FER1L6: variants seen among roughly 807,000 people sequenced by gnomAD.
The protein encoded by FER1L6 is fer-1-like protein 6.
In FER1L6, 177 loss-of-function variants were observed where a neutral mutation model predicts 219.2. The observed-to-expected ratio is 0.81, with a 90% CI of 0.71 to 0.91. The LOEUF (loss-of-function observed/expected upper bound fraction) is 0.91, where lower values mean the gene tolerates loss of function less well. Among genes scored for constraint, FER1L6 ranks in the 40% least tolerant of loss-of-function variants. The pLI, the probability that FER1L6 is intolerant of heterozygous loss-of-function variation, is 0.00. For missense variants in FER1L6, 2,153 were observed against 2,259.9 expected, an observed-to-expected ratio of 0.95 and a Z score of 0.96; for synonymous variants, 768 against 824.3, an observed-to-expected ratio of 0.93 and a Z score of 1.17.
chr8:123,900,382 G>C (rs1036809856), intron 1 of FER1L6, among the ~76,000 whole-genome samples: 6 of 152,110 alleles, frequency 3.9e-5, no homozygotes, highest in African/African-American at 1.4e-4. Flanking sequence ...TCAGTTCTAG[G>C]AGGTTTCTGG....
In FER1L6 at chr8:124,021,540, C is replaced by T. The variant is rs369573969; in HGVS notation, c.2014-10C>T. Reference sequence around the variant, plus strand: ...TCGAAAGACCCACACTGACTCTTGTCTTGTTTTAGGAAGCAATGTGCAAGG... The same window carrying T: ...TCGAAAGACCCACACTGACTCTTGTTTTGTTTTAGGAAGCAATGTGCAAGG... On this transcript the variant is annotated splice_polypyrimidine_tract_variant and intron_variant, in intron 16 of 40. Coordinates refer to ENST00000522917, the MANE Select transcript of FER1L6 (RefSeq NM_001039112.2). 1.4e-5 allele frequency: 22 copies of T among 1,613,642 alleles called. No homozygotes were observed. In the African/African-American group the frequency reaches 2.7e-4, roughly 20 times the overall value.
In FER1L6 at chr8:123,964,121, G is replaced by A. The variant is rs528177750; in HGVS notation, c.197+723G>A. 3.3e-4 allele frequency among the ~76,000 whole-genome samples: 51 copies of A among 152,328 alleles called. No individual in the cohort carries two copies. In the South Asian group the frequency reaches 0.01, roughly 30 times the overall value. On this transcript the variant is annotated intron_variant, in intron 3 of 40. Coordinates refer to ENST00000522917, the MANE Select transcript of FER1L6 (RefSeq NM_001039112.2). ...GTAGCAATGGCAGGGTTCTAAGAGA[G>A]TGGAAGTACAGAAGTTCTCTTGAGG...
Position 124,106,347 on chromosome 8 carries a change from A to C in FER1L6, c.5289+3038A>C, listed in dbSNP as rs963778158. ...CTGTCTCAAAAAAAAAAAAAAAAAA[A>C]AAAAAAAAAAAAAACAGAGTGGACG... On this transcript the variant is annotated intron_variant, in intron 39 of 40. Coordinates refer to ENST00000522917, the MANE Select transcript of FER1L6 (RefSeq NM_001039112.2). 7.2e-3 allele frequency among the ~76,000 whole-genome samples: 1,076 copies of C among 149,664 alleles called. 31 individuals carry two copies. Among genetic ancestry groups the C allele is most frequent in the African/African-American group, 0.025 (1,009 of 40,660 alleles).
chr8:123,868,902 G>A lies in FER1L6; in HGVS notation c.-8+16717G>A, dbSNP rs570100580. Among the ~76,000 whole-genome samples the A allele has an allele frequency of 4.6e-5, 7 of 152,208 alleles. No individual in the cohort carries two copies. In the South Asian group the frequency reaches 1.5e-3, roughly 32 times the overall value. ...GAGAAATAAAGAGCATAGCCCTGCA[G>A]AGAGATTCACAAATGATTTAATCAG... On this transcript the variant is annotated intron_variant, in intron 1 of 40. Coordinates refer to ENST00000522917, the MANE Select transcript of FER1L6 (RefSeq NM_001039112.2).
intron 32 of FER1L6, among the ~76,000 whole-genome samples, chr8:124,080,986 G>C (rs115629950): frequency 6.6e-6 from 1 of 152,160 alleles, no homozygotes; most frequent in South Asian, 2.1e-4. Flanking sequence ...CAGCGTCTCT[G>C]CTTTTCTCTC....
At chr8:123,921,823 AAGGGGTTAGTGTAG>A (rs1004434811) in intron 1 of FER1L6, among the ~76,000 whole-genome samples, 9 of 152,056 alleles carry the variant, frequency 5.9e-5, no homozygotes, top group African/African-American at 9.7e-5. Context: ...GGCATCAGGA[AAGGGGTTAGTGTAG>A]AGGCCGCCCT....
rs563441422 is a variant in FER1L6 at position 123,852,557 on chromosome 8, T to C, written c.-8+372T>C. On this transcript the variant is annotated intron_variant, in intron 1 of 40. Transcript: ENST00000522917. The surrounding 1 kb of genome is among the most constrained non-coding windows in gnomAD (Gnocchi z 4.9). ...GGAGAAAGAAGAGAGACTGGTAAAA[T>C]TTTGGGGGATTATAGAGACAAAAAG... Among the ~76,000 whole-genome samples, 16 of 151,408 alleles carry C rather than the reference T, an allele frequency of 1.1e-4. No individual in the cohort carries two copies. In the South Asian group the frequency reaches 3.3e-3, roughly 32 times the overall value.
At chr8:124,019,744 T>C (rs1028313921) in intron 16 of FER1L6, among the ~76,000 whole-genome samples, 1 of 152,212 alleles carries the variant, frequency 6.6e-6, no homozygotes, top group Non-Finnish European at 1.5e-5. Context: ...TACTGAAGTT[T>C]ACACATTAAT....
chr8:123,932,572 T>A (rs1225191152), intron 1 of FER1L6, among the ~76,000 whole-genome samples: 1 of 152,208 alleles, frequency 6.6e-6, no homozygotes, highest in African/African-American at 2.4e-5. Context: ...TCTGGTAGTT[T>A]CCTGAAGGTG....
At chr8:123,890,709 A>G (rs1452251453) in intron 1 of FER1L6, among the ~76,000 whole-genome samples, 2 of 146,894 alleles carry the variant, frequency 1.4e-5, no homozygotes, top group African/African-American at 5.0e-5. Flanking sequence ...CAACAACAAC[A>G]ACAAAAACCA....
intron 37 of FER1L6, among the ~76,000 whole-genome samples, chr8:124,100,141 C>T (rs549654895): frequency 6.6e-6 from 1 of 152,360 alleles, no homozygotes; most frequent in South Asian, 2.1e-4. Context: ...TCACTCCCCT[C>T]CTCCCTGCCC....
chr8:123,969,872 A>T (rs1198223776), intron 5 of FER1L6, among the ~76,000 whole-genome samples, 163 bp from the exon 6 acceptor site: 1 of 150,874 alleles, frequency 6.6e-6, no homozygotes, highest in Non-Finnish European at 1.5e-5. Context: ...GTCTCCAAAA[A>T]AAAAAAAAAA....
At chr8:123,926,965 G>T (rs1813587719) in intron 1 of FER1L6, among the ~76,000 whole-genome samples, 1 of 152,084 alleles carries the variant, frequency 6.6e-6, no homozygotes, top group Non-Finnish European at 1.5e-5. Flanking sequence ...GGTAAAAGAG[G>T]TGGGCTTGTA....
chr8:123,898,525 T>C (rs1812787906), intron 1 of FER1L6, among the ~76,000 whole-genome samples: 1 of 151,610 alleles, frequency 6.6e-6, no homozygotes. Flanking sequence ...AGTGAGAACA[T>C]ACAATGCTTG....
At chr8:124,099,596 G>A (rs969243192) in intron 37 of FER1L6, among the ~76,000 whole-genome samples, 2 of 151,952 alleles carry the variant, frequency 1.3e-5, no homozygotes, top group Non-Finnish European at 2.9e-5. Context: ...CATCCAAATT[G>A]GCCTCCCCAT....
intron 30 of FER1L6, among the ~76,000 whole-genome samples, chr8:124,070,916 C>A (rs902708606): frequency 6.6e-6 from 1 of 152,088 alleles, no homozygotes; most frequent in African/African-American, 2.4e-5. Flanking sequence ...ACCAGTTGGA[C>A]GATTAAACTA....
chr8:123,967,627 C>T (rs929247916), intron 5 of FER1L6, among the ~76,000 whole-genome samples: 4 of 152,182 alleles, frequency 2.6e-5, no homozygotes, highest in Admixed American at 6.5e-5. Flanking sequence ...CTCTTTGACA[C>T]AATGAATTAT....
chr8:123,910,582 T>G (rs1329111466), intron 1 of FER1L6, among the ~76,000 whole-genome samples: 5 of 151,974 alleles, frequency 3.3e-5, no homozygotes, highest in African/African-American at 9.7e-5. Flanking sequence ...AGTTAGCTCT[T>G]TTTTTTTGCG....
chr8:123,936,462 G>GT (rs779012175), intron 1 of FER1L6, among the ~76,000 whole-genome samples: 4,371 of 97,676 alleles, frequency 0.045, 341 homozygotes, highest in East Asian at 0.11. Flanking sequence ...ATTGCAGCCT[G>GT]TTTTTTTTTT....
Sources: allele counts gnomAD v4.1 joint callset (sites outside exome capture counted in the v4.1 genomes callset), GRCh38; gene constraint gnomAD v4.1.1; non-coding constraint Gnocchi (gnomAD v3.1); transcripts MANE v1.5; gene names NCBI Gene and HGNC (gene_info 2026-07-23, HGNC 2026-07-21).